The following HNRNPL variants were observed in gnomAD, a reference collection of about 807,000 sequenced individuals.
HNRNPL encodes heterogeneous nuclear ribonucleoprotein L.
In HNRNPL, 12 loss-of-function variants were observed where a neutral mutation model predicts 64.0. The observed-to-expected ratio is 0.19, with a 90% CI of 0.12 to 0.30. The LOEUF (loss-of-function observed/expected upper bound fraction) is 0.30. HNRNPL is among the 10% of genes least tolerant of loss of function. The pLI is 1.00. For synonymous variants in HNRNPL, 385 were observed against 313.0 expected, an observed-to-expected ratio of 1.23 and a Z score of -2.43; for missense variants, 484 against 797.4, an observed-to-expected ratio of 0.61 and a Z score of 4.73.
rs1183320363 is a variant in HNRNPL at position 38,839,193 on chromosome 19, G to C, written c.1234-178C>G. On this transcript the variant is annotated intron_variant, in intron 8 of 12. Coordinates refer to ENST00000221419, the MANE Select transcript of HNRNPL (RefSeq NM_001533.3). ...AGTGCTCAACCCATAGTGAGAAGCA[G>C]AGCCTGGGCCATGTTTTTAACTGTG... 5.9e-6 allele frequency: 4 copies of C among 672,626 alleles called. No homozygotes were observed. The East Asian group carries it at 1.1e-4, about 19-fold the overall frequency. The allele number at this position is 672,626 out of a possible 1,614,324, so 41.7% of individuals were successfully genotyped here. A position where few individuals can be genotyped will look rare whatever the true frequency, so the allele number is the denominator to read the frequency against.
Position 38,849,715 on chromosome 19 carries a change from G to GCCGCCC in HNRNPL, c.251_252insGGGCGG (p.Gly88_Gly89dup). 1 of 1,361,892 alleles carries GCCGCCC rather than the reference G, an allele frequency of 7.3e-7. No individual in the cohort carries two copies. The highest frequency in any genetic ancestry group is 9.4e-7 in the Non-Finnish European group (1 of 1,065,994). 84.4% of individuals were successfully genotyped at this position (1,361,892 alleles called of 1,614,324 possible). A position where few individuals can be genotyped will look rare whatever the true frequency, so the allele number is the denominator to read the frequency against. ...CTGGCCTCACCCCACCGCCGCCGCC[G>GCCGCCC]CCCGCCGCCCCGGCTCCTCCACCGC... On this transcript the variant is annotated inframe_insertion, in exon 1 of 13. Transcript: ENST00000221419.
intron 6 of HNRNPL, among the ~76,000 whole-genome samples, chr19:38,843,103 T>C (rs1462334690): frequency 4.6e-5 from 7 of 152,128 alleles, no homozygotes; most frequent in African/African-American, 1.4e-4. Context: ...GCCTGTGCGA[T>C]GTCAGCATCG....
intron 10 of HNRNPL, among the ~76,000 whole-genome samples, 153 bp from the exon 11 acceptor site, chr19:38,837,804 A>T (rs934686345): frequency 1.3e-5 from 2 of 152,274 alleles, no homozygotes; most frequent in Non-Finnish European, 2.9e-5. Context: ...TCCCTGTGTC[A>T]TAAAAAGGCC....
Position 38,844,124 on chromosome 19 carries a change from G to T in HNRNPL, c.711-20C>A, listed in dbSNP as rs771871476. ...TCAAATGTGAGTCAAGTTAAGGAAA[G>T]TCCCATCACAGGAGATCTTTGAGAA... On this transcript the variant is annotated intron_variant, in intron 4 of 12. Transcript: ENST00000221419. 2 of 1,539,286 alleles carry T rather than the reference G, an allele frequency of 1.3e-6. No individual in the cohort carries two copies. Among genetic ancestry groups the T allele is most frequent in the Middle Eastern group, 1.7e-4 (1 of 5,922 alleles).
intron 8 of HNRNPL, 185 bp from the exon 9 acceptor site, chr19:38,839,200 G>T: frequency 3.1e-6 from 2 of 650,472 alleles, no homozygotes; most frequent in Admixed American, 3.0e-5. Context: ...GCAGAGCCTG[G>T]GCCATGTTTT....
intron 6 of HNRNPL, 119 bp downstream of exon 6, chr19:38,843,723 C>T: frequency 1.2e-6 from 1 of 824,652 alleles, no homozygotes; most frequent in South Asian, 1.6e-5. Context: ...CCCCAAGGCC[C>T]TCCCATGTCC....
At chr19:38,849,425 A>T (rs1336051439) in intron 1 of HNRNPL, 1 of 371,566 alleles carries the variant, frequency 2.7e-6, no homozygotes, top group South Asian at 1.4e-4. Flanking sequence ...CGGCCCCCAC[A>T]CGCCAGCCCG....
At position 38,838,690 on chromosome 19, in the gene HNRNPL, G is replaced by A. The variant is rs992304522; in HGVS notation, c.1356-92C>T. The A allele has an allele frequency of 2.9e-6, 4 of 1,385,346 alleles. No homozygotes were observed. In the South Asian group the frequency reaches 3.6e-5, roughly 13 times the overall value. The allele number at this position is 1,385,346 out of a possible 1,614,324, so 85.8% of individuals were successfully genotyped here. A position where few individuals can be genotyped will look rare whatever the true frequency, so the allele number is the denominator to read the frequency against. On this transcript the variant is annotated intron_variant, in intron 9 of 12. Transcript: ENST00000221419. ...CCTCCAGAGGCTTAGCTTGCCCTGT[G>A]TGCCTTGGGGCATTGCTCTACACCT... is the stretch of plus-strand genomic sequence containing the variant.
chr19:38,837,176 G>A (rs1207466444), intron 12 of HNRNPL: 2 of 592,324 alleles, frequency 3.4e-6, no homozygotes, highest in African/African-American at 3.7e-5. Flanking sequence ...TCCCAAGCTG[G>A]CAGAGTGAGT....
intron 6 of HNRNPL, 47 bp from the exon 7 acceptor site, chr19:38,840,606 C>G: frequency 7.0e-7 from 1 of 1,426,446 alleles, no homozygotes; most frequent in Non-Finnish European, 9.7e-7. Flanking sequence ...AAATTGGGGT[C>G]TCTCCCTCCC....
intron 8 of HNRNPL, among the ~76,000 whole-genome samples, 168 bp downstream of exon 8, chr19:38,839,928 T>G (rs1376126551): frequency 6.6e-6 from 1 of 152,106 alleles, no homozygotes; most frequent in Non-Finnish European, 1.5e-5. Flanking sequence ...CCACATACAG[T>G]GAGGACCAAA....
rs771459173 is a variant in HNRNPL at position 38,840,366 on chromosome 19, G to A, written c.963C>T (p.His321=). The A allele has an allele frequency of 7.7e-6, 12 of 1,551,700 alleles. No homozygotes were observed. Among genetic ancestry groups the A allele is most frequent in the Admixed American group, 5.9e-5 (3 of 51,020 alleles). Residue 321 remains histidine (H), a synonymous_variant, in exon 8 of 13, where the codon CAC becomes CAT. Coordinates refer to ENST00000221419, the MANE Select transcript of HNRNPL (RefSeq NM_001533.3). ...GDHPAEYGGP[H]GGYHSHYHDE... is the part of the protein sequence containing the mutation. ...CATGGTAATGGCTGTGGTACCCACC[G>A]TGGGGCCCTCCTGGGGGGTGGGAAG...
chr19:38,836,678 A>G lies in HNRNPL; in HGVS notation c.*44T>C. On this transcript the variant is annotated 3_prime_UTR_variant, in exon 13 of 13. Transcript: ENST00000221419. ...AAACAAAAAATGGCATAAAGGAAAG[A>G]GAAATGTCTTCCTGCTCAGATGGGA... is the stretch of plus-strand genomic sequence containing the variant. 7.5e-7 allele frequency: 1 copy of G among 1,338,642 alleles called. No homozygotes were observed. 82.9% of individuals were successfully genotyped at this position (1,338,642 alleles called of 1,614,324 possible).
In HNRNPL at chr19:38,845,802, AAG is replaced by A. The variant is rs1354284797; in HGVS notation, c.624+49_624+50del. 6 of 1,594,162 alleles carry A rather than the reference AAG, an allele frequency of 3.8e-6. No homozygotes were observed. The Admixed American group carries it at 1.0e-4, about 27-fold the overall frequency. ...ATCAGTCTGGCTTGGGGGAGGGAAT[AAG>A]GGGAGAAAAGGAAGGGAGACCTCAC... On this transcript the variant is annotated intron_variant, in intron 3 of 12. Coordinates refer to ENST00000221419, the MANE Select transcript of HNRNPL (RefSeq NM_001533.3).
intron 1 of HNRNPL, among the ~76,000 whole-genome samples, chr19:38,849,000 A>AG (rs1468347129): frequency 2.0e-5 from 3 of 152,194 alleles, no homozygotes; most frequent in African/African-American, 7.2e-5. Flanking sequence ...GACTGATTAC[A>AG]GGGGGTCGAA....
chr19:38,844,188 AGCACC>A, intron 4 of HNRNPL, 84 bp from the exon 5 acceptor site: 1 of 887,306 alleles, frequency 1.1e-6, no homozygotes, highest in African/African-American at 1.6e-5. Flanking sequence ...AGGACAAGGT[AGCACC>A]CCAAGACTGT....
At chr19:38,848,910 C>G (rs913260175) in intron 1 of HNRNPL, among the ~76,000 whole-genome samples, 4 of 152,182 alleles carry the variant, frequency 2.6e-5, no homozygotes, top group Non-Finnish European at 5.9e-5. Flanking sequence ...TGCAAATAGG[C>G]GGCCCTGTAA....
chr19:38,840,665 G>GCCCT, intron 6 of HNRNPL, 106 bp from the exon 7 acceptor site: 1 of 869,668 alleles, frequency 1.1e-6, no homozygotes, highest in Non-Finnish European at 1.8e-6. Flanking sequence ...CCAACTGCAA[G>GCCCT]CCCTCCCTTC....
intron 2 of HNRNPL, among the ~76,000 whole-genome samples, chr19:38,846,558 G>A (rs1235189541): frequency 6.6e-6 from 1 of 152,176 alleles, no homozygotes. Flanking sequence ...GACTGCTTGG[G>A]CCTAGGAGTT....
Sources: allele counts gnomAD v4.1 joint callset (sites outside exome capture counted in the v4.1 genomes callset), GRCh38; gene constraint gnomAD v4.1.1; transcripts MANE v1.5; gene names NCBI Gene and HGNC (gene_info 2026-07-23, HGNC 2026-07-21).